Variants in UGGT2 observed in about 807,000 individuals in gnomAD.
UGGT2 encodes UDP-glucose glycoprotein glucosyltransferase 2.
Under a neutral mutation model 192.1 loss-of-function variants are expected in UGGT2, and 180 were observed. That is an observed-to-expected ratio of 0.94 (90% CI 0.83 to 1.06). The LOEUF is 1.06. Among genes scored for constraint, UGGT2 ranks in the 50% least tolerant of loss-of-function variants. UGGT2 has a pLI of 0.00. For missense variants in UGGT2, 1,849 were observed against 1,795.7 expected (o/e 1.03, Z -0.54); for synonymous variants, 580 against 591.0 (o/e 0.98, Z 0.27).
intron 19 of UGGT2, among the ~76,000 whole-genome samples, chr13:95,926,551 G>A (rs770564813): frequency 2.6e-5 from 4 of 152,108 alleles, no homozygotes; most frequent in Non-Finnish European, 5.9e-5. Flanking sequence ...ATAGTTAATT[G>A]TACCCTAACA....
Position 95,900,443 on chromosome 13 carries a change from G to A in UGGT2, c.2634+364C>T, listed in dbSNP as rs569668260. 2.6e-5 allele frequency among the ~76,000 whole-genome samples: 4 copies of A among 152,224 alleles called. No individual in the cohort carries two copies. The South Asian group carries it at 8.3e-4, about 32-fold the overall frequency. ...TTAACATACACAACTGTAGGAACAA[G>A]AAGAAAGATGTCATAACCTACTTGC... is the stretch of plus-strand genomic sequence containing the variant. On this transcript the variant is annotated intron_variant, in intron 22 of 38. Coordinates refer to ENST00000376747, the MANE Select transcript of UGGT2 (RefSeq NM_020121.4).
intron 10 of UGGT2, among the ~76,000 whole-genome samples, chr13:95,983,281 T>C (rs1463494459): frequency 5.3e-5 from 8 of 152,162 alleles, no homozygotes; most frequent in Non-Finnish European, 1.0e-4. Context: ...TCTGGTATGA[T>C]ACTACTTAAA....
At chr13:95,806,108 A>C (rs1884295066) in intron 38 of UGGT2, among the ~76,000 whole-genome samples, 1 of 151,980 alleles carries the variant, frequency 6.6e-6, no homozygotes, top group Non-Finnish European at 1.5e-5. Context: ...GTCATTAAAC[A>C]CACAAGCAGA....
intron 38 of UGGT2, among the ~76,000 whole-genome samples, chr13:95,817,179 G>A: frequency 6.6e-6 from 1 of 152,074 alleles, no homozygotes; most frequent in East Asian, 1.9e-4. Context: ...TTATACCTCA[G>A]TAAAGATTAA....
intron 1 of UGGT2, among the ~76,000 whole-genome samples, chr13:96,052,331 G>T (rs2053509053): frequency 6.6e-6 from 1 of 152,162 alleles, no homozygotes; most frequent in South Asian, 2.1e-4. Context: ...GGTTGAGAAG[G>T]GAGTGAGGGA....
At chr13:96,030,977 G>A (rs1433418160) in intron 2 of UGGT2, among the ~76,000 whole-genome samples, 5 of 152,140 alleles carry the variant, frequency 3.3e-5, no homozygotes. Flanking sequence ...CAATATACGT[G>A]TCAGTATACA....
At chr13:95,942,614 G>C (rs1232046268) in intron 15 of UGGT2, among the ~76,000 whole-genome samples, 1 of 151,882 alleles carries the variant, frequency 6.6e-6, no homozygotes, top group Non-Finnish European at 1.5e-5. Flanking sequence ...TATTTTAAAA[G>C]TTATTTTATG....
At chr13:95,976,230 A>G (rs536037991) in intron 10 of UGGT2, among the ~76,000 whole-genome samples, 1 of 152,194 alleles carries the variant, frequency 6.6e-6, no homozygotes, top group East Asian at 1.9e-4. Flanking sequence ...AATGTCCTCT[A>G]TTGTTGCTAA....
intron 15 of UGGT2, among the ~76,000 whole-genome samples, chr13:95,941,987 C>T (rs1025989207): frequency 1.3e-5 from 2 of 152,110 alleles, no homozygotes; most frequent in South Asian, 4.1e-4. Flanking sequence ...TTGTTTGCTT[C>T]TGAGCTTTAA....
At chr13:96,003,729 A>G (rs1271798801) in intron 5 of UGGT2, among the ~76,000 whole-genome samples, 2 of 152,216 alleles carry the variant, frequency 1.3e-5, no homozygotes, top group Non-Finnish European at 2.9e-5. Context: ...CAGGTCTGTC[A>G]GAATAATTTG....
At chr13:95,959,200 C>G (rs1341350160) in intron 12 of UGGT2, among the ~76,000 whole-genome samples, 1 of 152,198 alleles carries the variant, frequency 6.6e-6, no homozygotes, top group African/African-American at 2.4e-5. Flanking sequence ...GAGGGACAAT[C>G]ACACATTTCC....
chr13:95,974,136 GAGA>G (rs1322628952), intron 10 of UGGT2, among the ~76,000 whole-genome samples: 1 of 152,178 alleles, frequency 6.6e-6, no homozygotes, highest in South Asian at 2.1e-4. Flanking sequence ...ACAGAGGAGG[GAGA>G]AGAACTTAAA....
In UGGT2 at chr13:95,927,334, G is replaced by A. The variant is rs2049050506; in HGVS notation, c.1980C>T (p.Gly660=). 1 of 1,594,920 alleles carries A rather than the reference G, an allele frequency of 6.3e-7. No individual in the cohort carries two copies. The highest frequency in any genetic ancestry group is 1.1e-5 in the South Asian group (1 of 87,240). ...TTGCATTCGTGCGATCATTTAATGT[G>A]CCCTAAAAAAACAAAAATGTTATTT... ...SVYLQREVFL[G]TLNDRTNAID... The change falls in exon 18 of 39, where the codon GGC becomes GGT. Residue 660 remains glycine (G), a splice_region_variant and synonymous_variant. Transcript: ENST00000376747.
At chr13:95,867,964 GT>G (rs917788426) in intron 29 of UGGT2, among the ~76,000 whole-genome samples, 19 of 152,134 alleles carry the variant, frequency 1.2e-4, no homozygotes, top group East Asian at 5.8e-4. Context: ...GTATAATGCA[GT>G]TTTTTTCTCC....
intron 38 of UGGT2, among the ~76,000 whole-genome samples, chr13:95,812,409 T>A (rs1475549792): frequency 1.3e-5 from 2 of 152,152 alleles, no homozygotes; most frequent in East Asian, 3.8e-4. Context: ...AAGACCCAAC[T>A]ATATGCTCTC....
intron 36 of UGGT2, among the ~76,000 whole-genome samples, chr13:95,839,985 A>G (rs1332277484): frequency 6.6e-6 from 1 of 152,196 alleles, no homozygotes; most frequent in African/African-American, 2.4e-5. Flanking sequence ...ACATAGACAT[A>G]TTTCGTATTT....
chr13:95,802,228 T>TA (rs1401889543), intron 38 of UGGT2, among the ~76,000 whole-genome samples: 2 of 152,302 alleles, frequency 1.3e-5, no homozygotes, highest in Non-Finnish European at 2.9e-5. Context: ...AGTCGTCATC[T>TA]AAGATGGGAG....
chr13:95,868,597 CACAAA>C (rs143644747), intron 29 of UGGT2, among the ~76,000 whole-genome samples: 100 of 152,016 alleles, frequency 6.6e-4, no homozygotes, highest in Middle Eastern at 3.4e-3. Flanking sequence ...GAGACCCTGT[CACAAA>C]ACAAAACAAA....
intron 29 of UGGT2, among the ~76,000 whole-genome samples, chr13:95,868,306 C>G (rs1458784427): frequency 6.6e-6 from 1 of 152,082 alleles, no homozygotes; most frequent in Non-Finnish European, 1.5e-5. Flanking sequence ...CACTAGAAAA[C>G]AGAAAGAAGC....
Sources: gnomAD v4.1 joint callset for allele counts (sites outside exome capture counted in the v4.1 genomes callset) on GRCh38, gnomAD v4.1.1 for gene constraint, MANE v1.5 for transcripts, NCBI Gene and HGNC (gene_info 2026-07-23, HGNC 2026-07-21) for gene names.